LAMA2: variants seen among roughly 807,000 people sequenced by gnomAD.
LAMA2 encodes the protein laminin subunit alpha-2.
Under a neutral mutation model 364.8 loss-of-function variants are expected in LAMA2, and 269 were observed. That is an observed-to-expected ratio of 0.74 (90% CI 0.67 to 0.82). The LOEUF is 0.82. Among genes scored for constraint, LAMA2 ranks in the 40% least tolerant of loss-of-function variants. The probability of loss-of-function intolerance (pLI) is 0.00; values close to 1 mark genes in which losing one functional copy is unlikely to be tolerated. For missense variants in LAMA2, 3,807 were observed against 3,873.2 expected (o/e 0.98, Z 0.45); for synonymous variants, 1,379 against 1,370.6 (o/e 1.01, Z -0.14).
chr6:128,925,555 G>A (rs957721575), intron 1 of LAMA2, among the ~76,000 whole-genome samples: 3 of 152,176 alleles, frequency 2.0e-5, no homozygotes, highest in Non-Finnish European at 2.9e-5. Flanking sequence ...AGTTTTGCAA[G>A]ATGAAAAGCA....
chr6:129,472,595 C>A (rs924144567), intron 51 of LAMA2, among the ~76,000 whole-genome samples: 1 of 151,884 alleles, frequency 6.6e-6, no homozygotes, highest in African/African-American at 2.4e-5. Flanking sequence ...CCTTGAGAGA[C>A]CCAAAAGAAA....
At chr6:129,225,396 T>C (rs953358851) in intron 12 of LAMA2, among the ~76,000 whole-genome samples, 1 of 152,214 alleles carries the variant, frequency 6.6e-6, no homozygotes, top group African/African-American at 2.4e-5. Context: ...TGTTTGCTCT[T>C]GCTTCTCTAG....
intron 57 of LAMA2, 80 bp from the exon 58 acceptor site, chr6:129,492,235 A>G: frequency 6.7e-7 from 1 of 1,492,466 alleles, no homozygotes; most frequent in South Asian, 1.1e-5. Flanking sequence ...TGGACTTAAA[A>G]AGGCATGCGG....
intron 15 of LAMA2, among the ~76,000 whole-genome samples, chr6:129,261,042 G>T (rs1295550553): frequency 1.3e-5 from 2 of 151,792 alleles, no homozygotes; most frequent in African/African-American, 4.8e-5. Context: ...GAGATATTTT[G>T]CCTATAACTG....
chr6:129,138,945 C>T (rs559561706), intron 4 of LAMA2, among the ~76,000 whole-genome samples: 5 of 152,074 alleles, frequency 3.3e-5, no homozygotes, highest in East Asian at 3.9e-4. Flanking sequence ...GTAGCTGAAG[C>T]GGTAGAAGGA....
chr6:129,135,662 A>G (rs1777751281), intron 4 of LAMA2, among the ~76,000 whole-genome samples: 1 of 152,242 alleles, frequency 6.6e-6, no homozygotes, highest in African/African-American at 2.4e-5. Context: ...AATTTGGAGC[A>G]ATGCAAATGT....
intron 3 of LAMA2, among the ~76,000 whole-genome samples, chr6:129,090,858 T>A (rs1421818601): frequency 2.6e-5 from 4 of 152,188 alleles, no homozygotes; most frequent in African/African-American, 9.7e-5. Flanking sequence ...GTCCATCATT[T>A]TATGGGGGCT....
At chr6:129,168,507 C>G (rs1251897003) in intron 9 of LAMA2, among the ~76,000 whole-genome samples, 1 of 151,938 alleles carries the variant, frequency 6.6e-6, no homozygotes, top group Non-Finnish European at 1.5e-5. Context: ...GGGCTCTGTT[C>G]TGTTCCATTG....
intron 41 of LAMA2, among the ~76,000 whole-genome samples, chr6:129,437,868 T>C (rs1781910758): frequency 2.0e-5 from 3 of 151,986 alleles, no homozygotes. Context: ...TTTTACTCTT[T>C]ATATTGTTGT....
At chr6:129,478,951 G>A in intron 54 of LAMA2, 138 bp downstream of exon 54, 1 of 800,936 alleles carries the variant, frequency 1.2e-6, no homozygotes, top group South Asian at 1.5e-5. Flanking sequence ...GATAAAGCAA[G>A]ATTAAAGCAT....
At chr6:128,998,416 C>T (rs1452238118) in intron 1 of LAMA2, among the ~76,000 whole-genome samples, 2 of 69,220 alleles carry the variant, frequency 2.9e-5, no homozygotes, top group East Asian at 2.0e-4. Context: ...CGAATAGGAA[C>T]AGCTCCGCTC....
At chr6:129,330,271 A>G (rs1008880412) in intron 29 of LAMA2, among the ~76,000 whole-genome samples, 3 of 152,118 alleles carry the variant, frequency 2.0e-5, no homozygotes, top group African/African-American at 4.8e-5. Flanking sequence ...ATCCTAGTCC[A>G]TGGAAAAATT....
intron 1 of LAMA2, among the ~76,000 whole-genome samples, chr6:128,935,077 A>T (rs1779730005): frequency 6.6e-6 from 1 of 151,940 alleles, no homozygotes; most frequent in South Asian, 2.1e-4. Context: ...TCTTATTATT[A>T]TTATACTTTG....
chr6:129,280,235 T>C (rs1788630476), intron 18 of LAMA2, 88 bp downstream of exon 18: 2 of 883,974 alleles, frequency 2.3e-6, no homozygotes, highest in Non-Finnish European at 3.8e-6. Context: ...CATCATCCTT[T>C]GGAGAAAAAA....
chr6:129,281,293 C>G (rs2114394846), intron 18 of LAMA2, among the ~76,000 whole-genome samples: 1 of 152,218 alleles, frequency 6.6e-6, no homozygotes, highest in South Asian at 2.1e-4. Context: ...ATTGCCAAGA[C>G]AGATTTACAT....
intron 1 of LAMA2, among the ~76,000 whole-genome samples, chr6:128,920,644 A>G (rs1778642895): frequency 1.3e-5 from 2 of 150,890 alleles, no homozygotes; most frequent in South Asian, 2.1e-4. Flanking sequence ...CTAGGGCCTT[A>G]TAAGTATTTG....
At chr6:129,054,588 A>G (rs1412119923) in intron 2 of LAMA2, among the ~76,000 whole-genome samples, 3 of 151,688 alleles carry the variant, frequency 2.0e-5, no homozygotes, top group Non-Finnish European at 4.4e-5. Flanking sequence ...ATGTAAAACC[A>G]TAAGTGTGTG....
intron 1 of LAMA2, among the ~76,000 whole-genome samples, chr6:128,900,824 C>A (rs1313983355): frequency 6.6e-6 from 1 of 152,120 alleles, no homozygotes; most frequent in Non-Finnish European, 1.5e-5. Context: ...AAAATGAAAA[C>A]TCCCCTCTTT....
In LAMA2 at chr6:129,419,968, C is replaced by G. The variant is rs1357878838; in HGVS notation, c.5866-7784C>G. On this transcript the variant is annotated intron_variant, in intron 40 of 64. Coordinates refer to ENST00000421865, the MANE Select transcript of LAMA2 (RefSeq NM_000426.4). ...TTAAAAATTGATGCATGGTGATTTT[C>G]TTATTTTAAAATTGTGTATGATTTT... Among the ~76,000 whole-genome samples the G allele has an allele frequency of 2.0e-5, 3 of 151,952 alleles. No homozygotes were observed. The East Asian group carries it at 5.8e-4, about 29-fold the overall frequency.
Sources: allele counts gnomAD v4.1 joint callset (sites outside exome capture counted in the v4.1 genomes callset), GRCh38; gene constraint gnomAD v4.1.1; transcripts MANE v1.5; gene names NCBI Gene and HGNC (gene_info 2026-07-23, HGNC 2026-07-21).